The following GALNT9 variants were observed in gnomAD, a reference collection of about 807,000 sequenced individuals.
GALNT9 encodes GalNAc transferase 9.
Under a neutral mutation model 63.1 loss-of-function variants are expected in GALNT9, and 47 were observed. The ratio of observed to expected loss-of-function variants is 0.75; its 90% CI spans 0.59 to 0.95. The LOEUF is 0.95. Ranked by LOEUF, GALNT9 falls within the 40% of genes least tolerant of loss-of-function variation. GALNT9 has a pLI of 0.00. For synonymous variants in GALNT9, 396 were observed against 365.7 expected, an observed-to-expected ratio of 1.08 and a Z score of -0.94; for missense variants, 829 against 874.8, an observed-to-expected ratio of 0.95 and a Z score of 0.66.
At position 132,227,779 on chromosome 12, in the gene GALNT9, C is replaced by T. The variant is rs996136302; in HGVS notation, c.1077+20131G>A. On this transcript the variant is annotated intron_variant, in intron 6 of 10. Transcript: ENST00000328957. The stretch of plus-strand genomic sequence containing the variant: ...GAGGCTCAGGGTACGGAGGCAGCCC[C>T]GCTGGTTAATGGGCAGAGGCAGGGT... Among the ~76,000 whole-genome samples the T allele has an allele frequency of 5.3e-3, 800 of 152,110 alleles. 4 individuals carry two copies. The highest frequency in any genetic ancestry group is 0.018 in the African/African-American group (767 of 41,502).
chr12:132,206,970 C>T (rs866178746), intron 6 of GALNT9, among the ~76,000 whole-genome samples: 13 of 152,288 alleles, frequency 8.5e-5, no homozygotes, highest in Middle Eastern at 6.8e-3. Context: ...GAGGCTGAGG[C>T]GGGAGGATCA....
chr12:132,262,658 G>A (rs1163412699), intron 2 of GALNT9, 33 bp from the exon 3 acceptor site: 1 of 1,486,064 alleles, frequency 6.7e-7, no homozygotes, highest in African/African-American at 1.4e-5. Context: ...TGCGGTCAGG[G>A]CGCAGCATGA....
intron 1 of GALNT9, among the ~76,000 whole-genome samples, chr12:132,303,830 G>C (rs150934458): frequency 7.7e-4 from 3 of 3,896 alleles, no homozygotes; most frequent in African/African-American, 1.1e-3. Context: ...CACCCTCACC[G>C]GGGCACACCC....
Position 132,197,038 on chromosome 12 carries a change from G to A in GALNT9, c.*69C>T, listed in dbSNP as rs943995619. 137 of 1,587,970 alleles carry A rather than the reference G, an allele frequency of 8.6e-5. 1 individual carries two copies. The highest frequency in any genetic ancestry group is 3.8e-4 in the Middle Eastern group (2 of 5,234). On this transcript the variant is annotated 3_prime_UTR_variant, in exon 11 of 11. Transcript: ENST00000328957. ...CTGCTGTGTCTGCCGGGCACACCCCGGTCACTCAGCCACACTGGCTCGGCC... is the reference window on the plus strand; with the variant it reads ...CTGCTGTGTCTGCCGGGCACACCCCAGTCACTCAGCCACACTGGCTCGGCC...
chr12:132,256,463 C>T (rs577720673), intron 5 of GALNT9, among the ~76,000 whole-genome samples: 4 of 151,446 alleles, frequency 2.6e-5, no homozygotes, highest in South Asian at 2.1e-4. Context: ...CTGTGAGTAA[C>T]GCCGCTGTGA....
rs544246980 is a variant in GALNT9, at chr12:132,310,295, G to T, written c.238+18671C>A. 1.1e-4 allele frequency among the ~76,000 whole-genome samples: 17 copies of T among 152,164 alleles called. No individual in the cohort carries two copies. The highest frequency in any genetic ancestry group is 4.1e-4 in the African/African-American group (17 of 41,434). On this transcript the variant is annotated intron_variant, in intron 1 of 10. Coordinates refer to ENST00000328957, the MANE Select transcript of GALNT9 (RefSeq NM_001122636.2). The surrounding 1 kb of genome is among the most constrained non-coding windows in gnomAD (Gnocchi z 4.8). ...GCATTTCAGTTGGGGTCGGTAACAC[G>T]CAGAAGTAAAGGAACTGAGGCATGC...
intron 6 of GALNT9, among the ~76,000 whole-genome samples, chr12:132,241,740 C>A (rs1486864326): frequency 5.0e-4 from 35 of 69,730 alleles, no homozygotes; most frequent in Admixed American, 7.9e-4. Flanking sequence ...ATACCCATTA[C>A]ACACACAACA....
intron 7 of GALNT9, among the ~76,000 whole-genome samples, chr12:132,202,994 C>A (rs1876293660): frequency 6.6e-6 from 1 of 152,212 alleles, no homozygotes; most frequent in African/African-American, 2.4e-5. Context: ...ACGAGGGGCC[C>A]TTTCACACTG....
intron 1 of GALNT9, among the ~76,000 whole-genome samples, chr12:132,304,990 C>G (rs1369909594): frequency 1.5e-4 from 4 of 26,760 alleles, no homozygotes; most frequent in Non-Finnish European, 2.0e-4. Flanking sequence ...CCCGGGCACA[C>G]CCTCACCCGG....
intron 1 of GALNT9, among the ~76,000 whole-genome samples, chr12:132,312,619 CT>C: frequency 6.6e-6 from 1 of 152,348 alleles, no homozygotes; most frequent in Non-Finnish European, 1.5e-5. Flanking sequence ...AATGCCTGTC[CT>C]TTGGACGCAG....
intron 6 of GALNT9, among the ~76,000 whole-genome samples, chr12:132,244,729 G>T (rs556725038): frequency 4.9e-5 from 2 of 40,982 alleles, no homozygotes; most frequent in Non-Finnish European, 8.5e-5. Context: ...GGGGCTGGAT[G>T]GGGGGGCGTG....
intron 6 of GALNT9, among the ~76,000 whole-genome samples, chr12:132,222,654 CAG>C (rs1877493275): frequency 6.6e-6 from 1 of 151,930 alleles, no homozygotes; most frequent in Admixed American, 6.6e-5. Context: ...GGAGGAAACA[CAG>C]AGACGCCGCA....
rs919630126 is a variant in GALNT9 at position 132,268,323 on chromosome 12, G to A, written c.420-5698C>T. On this transcript the variant is annotated intron_variant, in intron 2 of 10. Coordinates refer to ENST00000328957, the MANE Select transcript of GALNT9 (RefSeq NM_001122636.2). ...CGTATGCTCTCACACACACACCTTGGCAAGCAACAAACACTTCTTATTCTG... is the reference window on the plus strand; with the variant it reads ...CGTATGCTCTCACACACACACCTTGACAAGCAACAAACACTTCTTATTCTG... Among the ~76,000 whole-genome samples the A allele has an allele frequency of 9.2e-5, 14 of 152,180 alleles. No individual in the cohort carries two copies. The Middle Eastern group carries it at 0.017, about 185-fold the overall frequency.
intron 6 of GALNT9, among the ~76,000 whole-genome samples, chr12:132,227,872 G>A (rs1376787639): frequency 6.6e-6 from 1 of 152,050 alleles, no homozygotes; most frequent in Non-Finnish European, 1.5e-5. Flanking sequence ...ACAGGGATGT[G>A]CAAATGGACA....
chr12:132,199,112 GGGTCCGGGTGGCCTGGGGTCGTC>G, intron 9 of GALNT9, 39 bp downstream of exon 9: 8 of 1,092,140 alleles, frequency 7.3e-6, no homozygotes, highest in Non-Finnish European at 1.1e-5. Flanking sequence ...CCAGGGTGTA[GGGTCCGGGTGGCCTGGGGTCGTC>G]CCCTTGGGAG....
At chr12:132,215,551 C>T (rs909217135) in intron 6 of GALNT9, among the ~76,000 whole-genome samples, 2 of 152,264 alleles carry the variant, frequency 1.3e-5, no homozygotes, top group African/African-American at 4.8e-5. Context: ...GCGGGGACCA[C>T]TCCGAGGGCC....
At chr12:132,322,978 G>C (rs1593126653) in intron 1 of GALNT9, among the ~76,000 whole-genome samples, 1 of 152,302 alleles carries the variant, frequency 6.6e-6, no homozygotes, top group East Asian at 1.9e-4. Flanking sequence ...TCGGGCTCGA[G>C]AGCCGTGCGT....
intron 1 of GALNT9, among the ~76,000 whole-genome samples, chr12:132,292,874 G>C (rs145449605): frequency 2.6e-5 from 4 of 152,208 alleles, no homozygotes; most frequent in Non-Finnish European, 4.4e-5. Flanking sequence ...TGCGGAGGAC[G>C]CCGCCTCGCA....
At chr12:132,292,177 T>TA (rs1555242836) in intron 1 of GALNT9, among the ~76,000 whole-genome samples, 1 of 152,120 alleles carries the variant, frequency 6.6e-6, no homozygotes, top group Non-Finnish European at 1.5e-5. Flanking sequence ...CATCACCATC[T>TA]AAAATCATCC....
Sources: allele counts gnomAD v4.1 joint callset (sites outside exome capture counted in the v4.1 genomes callset), GRCh38; gene constraint gnomAD v4.1.1; non-coding constraint Gnocchi (gnomAD v3.1); transcripts MANE v1.5; gene names NCBI Gene and HGNC (gene_info 2026-07-23, HGNC 2026-07-21).